The following DPP6 variants were observed in gnomAD, a reference collection of about 807,000 sequenced individuals.
DPP6 encodes A-type potassium channel modulatory protein DPP6.
A neutral mutation model predicts 122.6 loss-of-function variants in DPP6; 69 were observed. The ratio of observed to expected loss-of-function variants is 0.56; its 90% CI spans 0.46 to 0.69. The LOEUF is 0.69. DPP6 is among the 30% of genes least tolerant of loss of function. DPP6 has a pLI of 0.00. For missense variants in DPP6, 928 were observed against 1,116.9 expected, an observed-to-expected ratio of 0.83 and a Z score of 2.41; for synonymous variants, 418 against 433.1, an observed-to-expected ratio of 0.97 and a Z score of 0.43.
Position 154,804,774 on chromosome 7 carries a change from A to T in DPP6, c.1500-143A>T, listed in dbSNP as rs116318754. On this transcript the variant is annotated intron_variant, in intron 14 of 25. Transcript: ENST00000377770. ...CACCCCCTGCTCTGGTCACAGGTGT[A>T]GCTGGACCTGAACAGGGGAGCTACT... The T allele has an allele frequency of 1.8e-3, 2,119 of 1,153,784 alleles. 25 individuals carry two copies. In the African/African-American group the frequency reaches 0.027, roughly 15 times the overall value. 71.5% of individuals were successfully genotyped at this position (1,153,784 alleles called of 1,614,324 possible).
At chr7:153,929,098 C>T (rs1801056540) in intron 1 of DPP6, among the ~76,000 whole-genome samples, 1 of 152,046 alleles carries the variant, frequency 6.6e-6, no homozygotes. Flanking sequence ...AGTGAGGTGG[C>T]CTGACCAAGG....
At chr7:154,576,536 T>A (rs1461452124) in intron 5 of DPP6, among the ~76,000 whole-genome samples, 3 of 152,144 alleles carry the variant, frequency 2.0e-5, no homozygotes, top group African/African-American at 2.4e-5. Context: ...AGTGAAAGAA[T>A]CACTGAGTTC....
upstream of DPP6, among the ~76,000 whole-genome samples, chr7:153,884,186 G>T (rs965056612): frequency 2.6e-5 from 4 of 152,032 alleles, no homozygotes; most frequent in East Asian, 7.7e-4. Flanking sequence ...ACAGGCCCCA[G>T]TGTGTGATGT....
At chr7:154,662,468 C>G (rs1837788535) in intron 6 of DPP6, among the ~76,000 whole-genome samples, 2 of 74,962 alleles carry the variant, frequency 2.7e-5, no homozygotes, top group African/African-American at 4.4e-5. Context: ...GGCGTATCAG[C>G]CGTAGTGTTC....
At chr7:153,968,829 A>G (rs1795880534) in intron 1 of DPP6, 1 of 151,762 alleles carries the variant, frequency 6.6e-6, no homozygotes, top group East Asian at 1.9e-4. Flanking sequence ...CCGCGCAACT[A>G]TCATTCCATA....
chr7:153,961,889 G>A (rs1310353904), intron 1 of DPP6, among the ~76,000 whole-genome samples: 2 of 143,236 alleles, frequency 1.4e-5, no homozygotes, highest in African/African-American at 5.4e-5. Flanking sequence ...GCAGTAATGC[G>A]AGCGATGGGG....
the DPP6 span, among the ~76,000 whole-genome samples, chr7:153,861,392 T>G: frequency 6.6e-6 from 1 of 152,238 alleles, no homozygotes; most frequent in Non-Finnish European, 1.5e-5. Context: ...ATGGCAATTC[T>G]TTATTCAGAC....
At chr7:153,915,220 T>A (rs1312156012) in intron 1 of DPP6, among the ~76,000 whole-genome samples, 1 of 152,182 alleles carries the variant, frequency 6.6e-6, no homozygotes, top group East Asian at 1.9e-4. Context: ...TCTACAGACT[T>A]GTCCAAAGTG....
chr7:154,559,346 T>TG (rs1429277217), intron 4 of DPP6, among the ~76,000 whole-genome samples: 1 of 136,794 alleles, frequency 7.3e-6, no homozygotes, highest in Non-Finnish European at 1.6e-5. Flanking sequence ...AAGAGAAACT[T>TG]GAAAAAAAAA....
intron 2 of DPP6, among the ~76,000 whole-genome samples, chr7:154,455,883 C>A (rs189115443): frequency 1.1e-4 from 17 of 152,218 alleles, no homozygotes; most frequent in African/African-American, 3.9e-4. Flanking sequence ...ATGCTGGGAC[C>A]CTGGTTTCCT....
intron 2 of DPP6, among the ~76,000 whole-genome samples, 182 bp from the exon 3 acceptor site, chr7:154,474,757 G>A (rs1351623120): frequency 6.6e-6 from 1 of 152,130 alleles, no homozygotes; most frequent in African/African-American, 2.4e-5. Context: ...GATTTCCTTA[G>A]CATAGGTTTT....
chr7:154,133,095 G>A (rs1215867822), intron 1 of DPP6, among the ~76,000 whole-genome samples: 3 of 152,108 alleles, frequency 2.0e-5, no homozygotes, highest in East Asian at 3.9e-4. Context: ...AAAAAAAGTA[G>A]CTCTGGGACA....
intron 1 of DPP6, among the ~76,000 whole-genome samples, chr7:154,342,233 C>T (rs945260125): frequency 6.6e-6 from 1 of 152,100 alleles, no homozygotes; most frequent in African/African-American, 2.4e-5. Context: ...GGTCAGCAGC[C>T]CCAGGATATC....
chr7:154,327,732 T>A (rs1808574319), intron 1 of DPP6, among the ~76,000 whole-genome samples: 1 of 152,148 alleles, frequency 6.6e-6, no homozygotes, highest in Non-Finnish European at 1.5e-5. Flanking sequence ...AATAATGGGA[T>A]ATAAAAATGT....
chr7:154,397,282 C>A, intron 1 of DPP6, among the ~76,000 whole-genome samples: 1 of 149,918 alleles, frequency 6.7e-6, no homozygotes, highest in African/African-American at 2.5e-5. Flanking sequence ...AAGTGGCTTA[C>A]CAGAATTATA....
In DPP6 at chr7:154,464,326, G is replaced by A. The variant is rs1265919728; in HGVS notation, c.359-10613G>A. 3.3e-5 allele frequency among the ~76,000 whole-genome samples: 5 copies of A among 152,182 alleles called. No homozygotes were observed. The East Asian group carries it at 9.6e-4, about 29-fold the overall frequency. Reference sequence around the variant, plus strand: ...TCTCTGCCACACAACTGCTGCCAGGGGATGAGGAAGGGGAAACTCAAGACT... The same window carrying A: ...TCTCTGCCACACAACTGCTGCCAGGAGATGAGGAAGGGGAAACTCAAGACT... On this transcript the variant is annotated intron_variant, in intron 2 of 25. Transcript: ENST00000377770.
At chr7:154,783,311 C>T (rs1342256481) in intron 10 of DPP6, among the ~76,000 whole-genome samples, 2 of 152,192 alleles carry the variant, frequency 1.3e-5, no homozygotes, top group African/African-American at 4.8e-5. Context: ...ACAGCTCACA[C>T]AGGACGGGCA....
At chr7:154,042,444 C>T (rs527569881) in intron 1 of DPP6, among the ~76,000 whole-genome samples, 1 of 152,266 alleles carries the variant, frequency 6.6e-6, no homozygotes, top group Admixed American at 6.5e-5. Context: ...ACAACAAAAA[C>T]CTTCTGGTCT....
chr7:154,592,475 G>A (rs1196911455), intron 5 of DPP6, among the ~76,000 whole-genome samples: 1 of 152,234 alleles, frequency 6.6e-6, no homozygotes, highest in Non-Finnish European at 1.5e-5. Flanking sequence ...CAGAGCCGGG[G>A]AAGCCCCTGC....
Sources: allele counts gnomAD v4.1 joint callset (sites outside exome capture counted in the v4.1 genomes callset), GRCh38; gene constraint gnomAD v4.1.1; transcripts MANE v1.5; gene names NCBI Gene and HGNC (gene_info 2026-07-23, HGNC 2026-07-21).